METTL9: variants seen among roughly 807,000 people sequenced by gnomAD.
METTL9 encodes the protein methyltransferase 9, His-X-His N1(pi)-histidine.
METTL9 carries 10 observed loss-of-function variants against 36.0 expected under a neutral mutation model. The observed-to-expected ratio is 0.28, with a 90% confidence interval of 0.17 to 0.47. The LOEUF (loss-of-function observed/expected upper bound fraction) is 0.47, where lower values mean the gene tolerates loss of function less well. METTL9 is among the 20% of genes least tolerant of loss of function. The probability of loss-of-function intolerance (pLI) is 0.99; values close to 1 mark genes in which losing one functional copy is unlikely to be tolerated. For synonymous variants in METTL9, 175 were observed against 149.7 expected (o/e 1.17, Z -1.23); for missense variants, 246 against 383.5 (o/e 0.64, Z 3.00).
chr16:21,644,828 A>G (rs1242407762), intron 4 of METTL9, among the ~76,000 whole-genome samples: 1 of 152,214 alleles, frequency 6.6e-6, no homozygotes, highest in East Asian at 1.9e-4. Context: ...GGTGATATTT[A>G]TAGCCTTGGA....
intron 3 of METTL9, among the ~76,000 whole-genome samples, chr16:21,618,765 G>A (rs1435214656): frequency 1.3e-5 from 2 of 151,764 alleles, no homozygotes. Flanking sequence ...CCAGGCTGGA[G>A]TGCAGTGGCA....
intron 2 of METTL9, among the ~76,000 whole-genome samples, chr16:21,613,634 C>T (rs932845694): frequency 2.6e-5 from 4 of 152,234 alleles, no homozygotes; most frequent in Middle Eastern, 3.4e-3. Flanking sequence ...AAACATACTT[C>T]GCAGTGGCAA....
intron 4 of METTL9, chr16:21,640,415 C>T (rs1294131903): frequency 6.6e-6 from 1 of 151,544 alleles, no homozygotes; most frequent in Admixed American, 6.6e-5. Context: ...TATCCTTGTA[C>T]CATGCCTCCT....
intron 4 of METTL9, among the ~76,000 whole-genome samples, chr16:21,630,720 A>G (rs1321950961): frequency 1.3e-5 from 2 of 152,154 alleles, no homozygotes; most frequent in African/African-American, 4.8e-5. Context: ...TTCCATTTGT[A>G]AGACCATCTA....
At chr16:21,615,827 A>G (rs1182605562) in intron 2 of METTL9, among the ~76,000 whole-genome samples, 7 of 152,170 alleles carry the variant, frequency 4.6e-5, no homozygotes, top group Admixed American at 3.9e-4. Context: ...CAGCAAGTTC[A>G]GATTTGCTTA....
intron 4 of METTL9, among the ~76,000 whole-genome samples, chr16:21,634,837 C>T (rs1015869228): frequency 2.6e-5 from 4 of 152,106 alleles, no homozygotes; most frequent in Admixed American, 2.0e-4. Context: ...CCCTGAGTTA[C>T]GGTGGACAGC....
rs1246573251 is a variant in METTL9 at position 21,633,666 on chromosome 16, A to G, written c.751+8551A>G. Among the ~76,000 whole-genome samples, 5 of 152,202 alleles carry G rather than the reference A, an allele frequency of 3.3e-5. 1 individual carries two copies. Among genetic ancestry groups the G allele is most frequent in the African/African-American group, 1.2e-4 (5 of 41,448 alleles). On this transcript the variant is annotated intron_variant, in intron 4 of 4. Transcript: ENST00000358154. Reference sequence around the variant, plus strand: ...CTGGATATAGAGGAATTACTGCCTCATTGATGAGTCTAAGATCTTGCACTA... The same window carrying G: ...CTGGATATAGAGGAATTACTGCCTCGTTGATGAGTCTAAGATCTTGCACTA...
At chr16:21,633,404 A>C (rs1966012599) in intron 4 of METTL9, among the ~76,000 whole-genome samples, 1 of 152,206 alleles carries the variant, frequency 6.6e-6, no homozygotes, top group Non-Finnish European at 1.5e-5. Flanking sequence ...GGACTTGAGA[A>C]GTGTCCTAGA....
At chr16:21,622,052 A>G (rs1296878751) in intron 3 of METTL9, among the ~76,000 whole-genome samples, 1 of 148,266 alleles carries the variant, frequency 6.7e-6, no homozygotes, top group African/African-American at 2.5e-5. Context: ...TGTGTTGCCC[A>G]GCTGGTCTTG....
At chr16:21,646,158 C>CCT (rs1966422037) in intron 4 of METTL9, among the ~76,000 whole-genome samples, 1 of 150,514 alleles carries the variant, frequency 6.6e-6, no homozygotes, top group Non-Finnish European at 1.5e-5. Context: ...GAAATTCCCC[C>CCT]TTTTTTTTTC....
chr16:21,630,458 G>A (rs1456587150), intron 4 of METTL9, among the ~76,000 whole-genome samples: 1 of 152,352 alleles, frequency 6.6e-6, no homozygotes, highest in East Asian at 1.9e-4. Flanking sequence ...CGCCGTGGCC[G>A]AGGGGGCGCC....
At chr16:21,628,837 A>G (rs556450886) in intron 4 of METTL9, among the ~76,000 whole-genome samples, 2 of 150,044 alleles carry the variant, frequency 1.3e-5, no homozygotes, top group Non-Finnish European at 3.0e-5. Context: ...TTTAAATATG[A>G]TGCTAATTTT....
At position 21,625,078 on chromosome 16, in the gene METTL9, T is replaced by C. The variant is rs779737148; in HGVS notation, c.714T>C (p.Leu238=). The change falls in exon 4 of 5, where the codon CTT becomes CTC. Residue 238 remains leucine (L), a synonymous_variant. Transcript: ENST00000358154. ...AGCCAACTAGAGGCAGGGTCATCCT[T>C]GCCCTTGTCCTCCCCTTTCATCCCT... The part of the protein sequence containing the change: ...VLEPTRGRVI[L]ALVLPFHPYV... The C allele has an allele frequency of 3.1e-6, 5 of 1,614,194 alleles. No individual in the cohort carries two copies. Among genetic ancestry groups the C allele is most frequent in the Non-Finnish European group, 4.2e-6 (5 of 1,180,038 alleles).
chr16:21,652,422 ATGT>A (rs1482139137), intron 4 of METTL9: 12 of 785,964 alleles, frequency 1.5e-5, no homozygotes, highest in Non-Finnish European at 4.1e-6. Flanking sequence ...AGTTTTCATA[ATGT>A]TATACATTTA....
At position 21,599,918 on chromosome 16, in the gene METTL9, CCGGGGCGGGGG is replaced by C. The variant is rs1278731439; in HGVS notation, c.165+23_165+33del. ...CACCAGGTACGGGCTGGGGCCGGGG[CCGGGGCGGGGG>C]CGTGGCGGCCCGGCCTTCCCGCGCT... On this transcript the variant is annotated intron_variant, in intron 1 of 4. Coordinates refer to ENST00000358154, the MANE Select transcript of METTL9 (RefSeq NM_016025.5). The surrounding 1 kb of genome is among the most constrained non-coding windows in gnomAD (Gnocchi z 4.4). 2.9e-6 allele frequency: 4 copies of C among 1,360,976 alleles called. No individual in the cohort carries two copies. Among genetic ancestry groups the C allele is most frequent in the Non-Finnish European group, 3.8e-6 (4 of 1,060,588 alleles). 84.3% of individuals were successfully genotyped at this position (1,360,976 alleles called of 1,614,324 possible).
chr16:21,630,336 C>T (rs1000669063), intron 4 of METTL9, among the ~76,000 whole-genome samples: 3 of 152,248 alleles, frequency 2.0e-5, no homozygotes, highest in Non-Finnish European at 4.4e-5. Flanking sequence ...CCTCTCCCTT[C>T]ACACCTCCCT....
In METTL9 at chr16:21,627,971, A is replaced by G. The variant is rs139405670; in HGVS notation, c.751+2856A>G. On this transcript the variant is annotated intron_variant, in intron 4 of 4. Transcript: ENST00000358154. ...CCATCTCAAAAAACAAACAAAACAAAAAAAGTTTCTCATCCAGTCCAGTTC... is the reference window on the plus strand; with the variant it reads ...CCATCTCAAAAAACAAACAAAACAAGAAAAGTTTCTCATCCAGTCCAGTTC... Among the ~76,000 whole-genome samples the G allele has an allele frequency of 7.5e-3, 1,138 of 152,186 alleles. 8 individuals are homozygous for G. Among genetic ancestry groups the G allele is most frequent in the Non-Finnish European group, 0.012 (810 of 67,996 alleles).
chr16:21,648,982 T>C (rs1966497942), intron 4 of METTL9, among the ~76,000 whole-genome samples: 1 of 152,078 alleles, frequency 6.6e-6, no homozygotes, highest in African/African-American at 2.4e-5. Context: ...CCATGTTTTT[T>C]TGTTTTTGTT....
chr16:21,642,752 A>G (rs1472589639), intron 4 of METTL9, among the ~76,000 whole-genome samples: 1 of 152,226 alleles, frequency 6.6e-6, no homozygotes, highest in East Asian at 1.9e-4. Context: ...CTACCACTGC[A>G]TGCAGGATAC....
Sources: allele counts gnomAD v4.1 joint callset (sites outside exome capture counted in the v4.1 genomes callset), GRCh38; gene constraint gnomAD v4.1.1; non-coding constraint Gnocchi (gnomAD v3.1); transcripts MANE v1.5; gene names NCBI Gene and HGNC (gene_info 2026-07-23, HGNC 2026-07-21).